Variants in DHX34 observed in about 807,000 individuals in gnomAD.
DHX34 encodes probable ATP-dependent RNA helicase DHX34.
In DHX34, 96 loss-of-function variants were observed where a neutral mutation model predicts 111.1. That is an observed-to-expected ratio of 0.86 (90% confidence interval 0.73 to 1.02). The LOEUF (loss-of-function observed/expected upper bound fraction) is 1.02. DHX34 is among the 50% of genes least tolerant of loss of function. DHX34 has a pLI of 0.00. For synonymous variants in DHX34, 688 were observed against 670.4 expected, an observed-to-expected ratio of 1.03 and a Z score of -0.41; for missense variants, 1,560 against 1,579.9, an observed-to-expected ratio of 0.99 and a Z score of 0.21.
At chr19:47,375,733 T>TG (rs2122343667) in intron 10 of DHX34, 25 bp downstream of exon 10, 2 of 1,558,688 alleles carry the variant, frequency 1.3e-6, no homozygotes, top group Non-Finnish European at 8.6e-7. Context: ...CTGTGGGGTG[T>TG]GGGGGTTTAC....
chr19:47,355,254 C>A lies in DHX34; in HGVS notation c.921C>A (p.Val307=), dbSNP rs766099577. 3.1e-6 allele frequency: 5 copies of A among 1,614,052 alleles called. No individual in the cohort carries two copies. Among genetic ancestry groups the A allele is most frequent in the Non-Finnish European group, 4.2e-6 (5 of 1,180,038 alleles). The part of the protein sequence containing the change: ...RLLPTRPDLK[V]ILMSATINIS... ...TGCCCACGCGGCCTGACCTCAAGGT[C>A]ATCCTCATGTCGGCCACCATCAACA... is the stretch of plus-strand genomic sequence containing the variant. The change falls in exon 3 of 17, where the codon GTC becomes GTA. Residue 307 remains valine, a synonymous_variant. Coordinates refer to ENST00000328771, the MANE Select transcript of DHX34 (RefSeq NM_014681.6).
At position 47,381,300 on chromosome 19, in the gene DHX34, C is replaced by A; in HGVS notation, c.3274C>A (p.Gln1092Lys). The A allele has an allele frequency of 6.2e-7, 1 of 1,613,782 alleles. No individual in the cohort carries two copies. The highest frequency in any genetic ancestry group is 8.5e-7 in the Non-Finnish European group (1 of 1,179,878). Residue 1092 changes from glutamine (Q) to lysine (K), a missense_variant, in exon 16 of 17, where the codon CAG (glutamine) becomes AAG (lysine). Gln to Lys is a moderately conservative substitution (Grantham distance 53). Transcript: ENST00000328771. ...CATCGCCCATGAGAACACCTGCCCCCAGGCCCCACAGGATGGGCCCCCAGG... is the reference window on the plus strand; with the variant it reads ...CATCGCCCATGAGAACACCTGCCCCAAGGCCCCACAGGATGGGCCCCCAGG... ...ERIAHENTCP[Q>K]APQDGPPGAE... is the part of the protein sequence containing the mutation.
In DHX34 at chr19:47,376,428, C is replaced by G. The variant is rs1168923493; in HGVS notation, c.2482-15C>G. 8 of 1,608,136 alleles carry G rather than the reference C, an allele frequency of 5.0e-6. No homozygotes were observed. Among genetic ancestry groups the G allele is most frequent in the Non-Finnish European group, 6.8e-6 (8 of 1,177,874 alleles). ...GCAGATAGGAGGGCTTGTGCTTTCT[C>G]TCTGTCCTCCGCAGATTTTCCACAC... On this transcript the variant is annotated splice_polypyrimidine_tract_variant and intron_variant, in intron 11 of 16. Coordinates refer to ENST00000328771, the MANE Select transcript of DHX34 (RefSeq NM_014681.6).
intron 1 of DHX34, among the ~76,000 whole-genome samples, chr19:47,351,667 A>G (rs1304292606): frequency 6.6e-6 from 1 of 152,176 alleles, no homozygotes; most frequent in Non-Finnish European, 1.5e-5. Flanking sequence ...ATTATGATGG[A>G]TAAAATGAGA....
intron 9 of DHX34, 152 bp downstream of exon 9, chr19:47,373,852 G>A: frequency 9.8e-7 from 1 of 1,018,728 alleles, no homozygotes; most frequent in Non-Finnish European, 1.4e-6. Context: ...AGGTGTTGGG[G>A]CAGCTGGGCA....
Position 47,353,444 on chromosome 19 carries a change from G to A in DHX34, c.414G>A (p.Leu138=), listed in dbSNP as rs369182958. 30 of 1,614,182 alleles carry A rather than the reference G, an allele frequency of 1.9e-5. No homozygotes were observed. In the South Asian group the frequency reaches 2.4e-4, roughly 13 times the overall value. Residue 138 remains leucine, a synonymous_variant, in exon 2 of 17, where the codon TTG becomes TTA. Transcript: ENST00000328771. This position sits in a 1 kb window ranked among gnomAD's most constrained non-coding sequence, Gnocchi z 4.6. The part of the protein sequence containing the change: ...ERVAEFRRAL[L]HYLDFGQKQA... Reference sequence around the variant, plus strand: ...TGGCTGAGTTCCGCCGAGCCCTGTTGCACTACCTGGACTTTGGCCAGAAGC... The same window carrying A: ...TGGCTGAGTTCCGCCGAGCCCTGTTACACTACCTGGACTTTGGCCAGAAGC...
intron 1 of DHX34, among the ~76,000 whole-genome samples, chr19:47,350,830 G>T (rs142008407): frequency 6.6e-6 from 1 of 152,234 alleles, no homozygotes; most frequent in East Asian, 1.9e-4. Context: ...ACTACAGAAT[G>T]ACTCATAAGT....
At position 47,355,524 on chromosome 19, in the gene DHX34, AG is replaced by A. The variant is rs548120919; in HGVS notation, c.1017+175del. 1.8e-3 allele frequency among the ~76,000 whole-genome samples: 274 copies of A among 152,278 alleles called. 1 individual carries two copies. The highest frequency in any genetic ancestry group is 3.2e-3 in the Non-Finnish European group (221 of 68,008). On this transcript the variant is annotated intron_variant, in intron 3 of 16. Transcript: ENST00000328771. ...TCATAATCAGCTGGTTAGAGTGCTAAGTGCTTGTTAGAGTAAAAGCTGTTAC... is the reference window on the plus strand; with the variant it reads ...TCATAATCAGCTGGTTAGAGTGCTAATGCTTGTTAGAGTAAAAGCTGTTAC...
At chr19:47,360,860 T>C (rs1599758830) in intron 5 of DHX34, among the ~76,000 whole-genome samples, 1 of 151,990 alleles carries the variant, frequency 6.6e-6, no homozygotes, top group Admixed American at 6.6e-5. Flanking sequence ...TTAGGAGAGA[T>C]GGGGTTTCAC....
chr19:47,362,369 G>A, intron 5 of DHX34, 107 bp from the exon 6 acceptor site: 5 of 1,366,612 alleles, frequency 3.7e-6, no homozygotes, highest in Non-Finnish European at 4.7e-6. Context: ...AGCATTAACA[G>A]AATAAAGGAG....
intron 16 of DHX34, 84 bp from the exon 17 acceptor site, chr19:47,381,896 C>T: frequency 1.9e-6 from 3 of 1,592,168 alleles, no homozygotes; most frequent in South Asian, 2.3e-5. Context: ...AGAACCTGAG[C>T]CCCACAGGTG....
At chr19:47,365,959 C>T (rs760208659) in intron 6 of DHX34, among the ~76,000 whole-genome samples, 7 of 152,124 alleles carry the variant, frequency 4.6e-5, no homozygotes, top group Non-Finnish European at 8.8e-5. Flanking sequence ...ATTCATGAGG[C>T]GGCATGTCTA....
At chr19:47,368,187 G>A (rs1216686209) in intron 7 of DHX34, among the ~76,000 whole-genome samples, 2 of 150,716 alleles carry the variant, frequency 1.3e-5, no homozygotes, top group African/African-American at 4.9e-5. Flanking sequence ...GCCCTGTGGG[G>A]GCACATGCCT....
intron 12 of DHX34, 161 bp downstream of exon 12, chr19:47,376,721 G>A (rs1337911700): frequency 4.2e-6 from 6 of 1,427,612 alleles, no homozygotes; most frequent in African/African-American, 1.4e-5. Flanking sequence ...TCCCTGGGTA[G>A]CCTTGGGTGA....
rs756171991 is a variant in DHX34 at position 47,376,541 on chromosome 19, C to T, written c.2580C>T (p.Ser860=). ...EVLHAQELEA[S]NCDGSRDDKD... ...TGCACGCACAGGAGCTGGAGGCCAG[C>T]AACTGCGACGGAAGCCGAGGTACAG... Residue 860 remains serine, a synonymous_variant, in exon 12 of 17, where the codon AGC becomes AGT. Coordinates refer to ENST00000328771, the MANE Select transcript of DHX34 (RefSeq NM_014681.6). The T allele has an allele frequency of 6.4e-7, 1 of 1,569,956 alleles. No homozygotes were observed.
chr19:47,380,726 A>AG, intron 14 of DHX34, 90 bp from the exon 15 acceptor site: 1 of 1,568,418 alleles, frequency 6.4e-7, no homozygotes, highest in South Asian at 1.2e-5. Flanking sequence ...GCAAAGCCCG[A>AG]GGGAGGGCTT....
rs114547917 is a variant in DHX34, at chr19:47,354,367, T to C, written c.705+632T>C. Among the ~76,000 whole-genome samples, 552 of 152,304 alleles carry C rather than the reference T, an allele frequency of 3.6e-3. 1 individual carries two copies. The highest frequency in any genetic ancestry group is 0.013 in the African/African-American group (531 of 41,554). ...GTCATGAGGATGAAATGGGTTGATA[T>C]ACATAAAGCACTTAGAGTGGCATAT... On this transcript the variant is annotated intron_variant, in intron 2 of 16. Coordinates refer to ENST00000328771, the MANE Select transcript of DHX34 (RefSeq NM_014681.6).
chr19:47,358,292 G>C (rs535548948), intron 4 of DHX34, among the ~76,000 whole-genome samples, 172 bp downstream of exon 4: 1 of 152,312 alleles, frequency 6.6e-6, no homozygotes, highest in East Asian at 1.9e-4. Context: ...TGGCCCCGGA[G>C]CCCATGCTCT....
intron 1 of DHX34, among the ~76,000 whole-genome samples, chr19:47,350,277 C>T (rs1969244831): frequency 6.6e-6 from 1 of 152,166 alleles, no homozygotes; most frequent in East Asian, 1.9e-4. Flanking sequence ...GTGACTCACT[C>T]CTGTCATCCA....
Sources: allele counts gnomAD v4.1 joint callset (sites outside exome capture counted in the v4.1 genomes callset), GRCh38; gene constraint gnomAD v4.1.1; non-coding constraint Gnocchi (gnomAD v3.1); transcripts MANE v1.5; gene names NCBI Gene and HGNC (gene_info 2026-07-23, HGNC 2026-07-21).